PIP5K1C: variants seen among roughly 807,000 people sequenced by gnomAD.
The protein encoded by PIP5K1C is phosphatidylinositol-4-phosphate 5-kinase type 1 gamma.
Under a neutral mutation model 80.1 loss-of-function variants are expected in PIP5K1C, and 45 were observed. The ratio of observed to expected loss-of-function variants is 0.56; its 90% confidence interval spans 0.44 to 0.72. The LOEUF (loss-of-function observed/expected upper bound fraction) is 0.72, where lower values mean the gene tolerates loss of function less well. Among genes scored for constraint, PIP5K1C ranks in the 30% least tolerant of loss-of-function variants. PIP5K1C has a pLI of 0.00. For synonymous variants in PIP5K1C, 498 were observed against 420.1 expected (o/e 1.19, Z -2.27); for missense variants, 753 against 954.6 (o/e 0.79, Z 2.78).
intron 1 of PIP5K1C, among the ~76,000 whole-genome samples, chr19:3,698,948 C>T (rs1471691346): frequency 7.2e-4 from 107 of 149,410 alleles, no homozygotes; most frequent in African/African-American, 2.6e-3. Context: ...CCCCCACCCC[C>T]CCACTCCCCC....
chr19:3,665,709 C>A (rs2034984125), intron 2 of PIP5K1C, among the ~76,000 whole-genome samples: 2 of 152,186 alleles, frequency 1.3e-5, no homozygotes, highest in South Asian at 4.1e-4. Context: ...AGCTGTCGGG[C>A]AGCGCGGGTG....
At position 3,637,249 on chromosome 19, in the gene PIP5K1C, C is replaced by G; in HGVS notation, c.1920+1635G>C. 6.9e-7 allele frequency: 1 copy of G among 1,452,884 alleles called. No individual in the cohort carries two copies. Among genetic ancestry groups the G allele is most frequent in the African/African-American group, 1.4e-5 (1 of 70,556 alleles). 90.0% of individuals were successfully genotyped at this position (1,452,884 alleles called of 1,614,324 possible). On this transcript the variant is annotated intron_variant, in intron 16 of 17. Coordinates refer to ENST00000335312, the MANE Select transcript of PIP5K1C (RefSeq NM_012398.3). This position sits in a 1 kb window ranked among gnomAD's most constrained non-coding sequence, Gnocchi z 7.0. Reference sequence around the variant, plus strand: ...AGAGAGGGGCTCGCTGGGGTCTGGCCGGGGTCCGAAGCAGACCCTGGGCCT... The same window carrying G: ...AGAGAGGGGCTCGCTGGGGTCTGGCGGGGGTCCGAAGCAGACCCTGGGCCT...
At chr19:3,685,591 G>T (rs2035735259) in intron 1 of PIP5K1C, among the ~76,000 whole-genome samples, 1 of 152,092 alleles carries the variant, frequency 6.6e-6, no homozygotes, top group Non-Finnish European at 1.5e-5. Context: ...TTAGCCGGGT[G>T]TGGTGGCGGG....
chr19:3,683,814 G>A lies in PIP5K1C; in HGVS notation c.95-16461C>T, dbSNP rs540882029. Among the ~76,000 whole-genome samples, 5 of 152,190 alleles carry A rather than the reference G, an allele frequency of 3.3e-5. No homozygotes were observed. The East Asian group carries it at 7.7e-4, about 24-fold the overall frequency. ...GTGTCTGGAGAGCTGGGATCAGCCC[G>A]GGCACAGCAGGAACATCCTGTGCAG... On this transcript the variant is annotated intron_variant, in intron 1 of 17. Transcript: ENST00000335312.
At chr19:3,653,223 C>T (rs2034511556) in intron 7 of PIP5K1C, 67 bp downstream of exon 7, 1 of 1,506,452 alleles carries the variant, frequency 6.6e-7, no homozygotes, top group Non-Finnish European at 9.1e-7. Flanking sequence ...CCTGCCTGCC[C>T]AGGCCGAGCC....
At chr19:3,640,271 TGGGA>T (rs957808097) in intron 15 of PIP5K1C, among the ~76,000 whole-genome samples, 5 of 152,124 alleles carry the variant, frequency 3.3e-5, no homozygotes, top group Non-Finnish European at 7.4e-5. Flanking sequence ...CCTAGCACTG[TGGGA>T]GGCCGAGGCG....
At chr19:3,699,911 C>T (rs1480730922) in intron 1 of PIP5K1C, among the ~76,000 whole-genome samples, 2 of 152,210 alleles carry the variant, frequency 1.3e-5, no homozygotes, top group East Asian at 1.9e-4. Flanking sequence ...GGACTCAGGT[C>T]TGGGGACTTA....
chr19:3,693,110 C>T (rs1384975104), intron 1 of PIP5K1C, among the ~76,000 whole-genome samples: 1 of 152,100 alleles, frequency 6.6e-6, no homozygotes, highest in East Asian at 1.9e-4. Flanking sequence ...CCCAGAGTTC[C>T]TTAGGGGGCC....
intron 3 of PIP5K1C, among the ~76,000 whole-genome samples, chr19:3,663,424 C>T (rs149837354): frequency 1.6e-3 from 247 of 152,326 alleles, no homozygotes; most frequent in Middle Eastern, 6.8e-3. Flanking sequence ...ATGTTCACCT[C>T]CCCGAGATGC....
chr19:3,670,243 A>T (rs939108335), intron 1 of PIP5K1C, among the ~76,000 whole-genome samples: 9 of 152,184 alleles, frequency 5.9e-5, no homozygotes, highest in Non-Finnish European at 1.2e-4. Context: ...TCCCTCCGAC[A>T]TTCACGTCCT....
chr19:3,660,054 C>T (rs2034779269), intron 5 of PIP5K1C, among the ~76,000 whole-genome samples: 1 of 152,140 alleles, frequency 6.6e-6, no homozygotes, highest in Non-Finnish European at 1.5e-5. Context: ...GGTGATGGCG[C>T]AGGTTGGATG....
chr19:3,696,272 T>C lies in PIP5K1C; in HGVS notation c.94+4025A>G, dbSNP rs1420625924. 6.6e-6 allele frequency among the ~76,000 whole-genome samples: 1 copy of C among 152,222 alleles called. No individual in the cohort carries two copies. The highest frequency in any genetic ancestry group is 2.4e-5 in the African/African-American group (1 of 41,462). On this transcript the variant is annotated intron_variant, in intron 1 of 17. Transcript: ENST00000335312. This position sits in a 1 kb window ranked among gnomAD's most constrained non-coding sequence, Gnocchi z 4.1. ...TTCCTCCCTGGCACTGCTGGCCTCA[T>C]GCACCTGATGTTCACCAGGATCTGC... is the stretch of plus-strand genomic sequence containing the variant.
At chr19:3,638,743 T>G in intron 16 of PIP5K1C, 141 bp downstream of exon 16, 16 of 1,076,434 alleles carry the variant, frequency 1.5e-5, no homozygotes, top group East Asian at 4.8e-5. Flanking sequence ...TGCTGGCTGG[T>G]GAGAGAGCAT....
chr19:3,700,398 C>T lies in PIP5K1C; in HGVS notation c.-8G>A. 8.9e-7 allele frequency: 1 copy of T among 1,122,914 alleles called. No individual in the cohort carries two copies. Among genetic ancestry groups the T allele is most frequent in the Non-Finnish European group, 1.1e-6 (1 of 915,612 alleles). The allele number at this position is 1,122,914 out of a possible 1,614,324, so 69.6% of individuals were successfully genotyped here. On this transcript the variant is annotated 5_prime_UTR_variant, in exon 1 of 18. Coordinates refer to ENST00000335312, the MANE Select transcript of PIP5K1C (RefSeq NM_012398.3). ...CGGTACCTCCAGCTCCATGGCCGCG[C>T]GCGGACGGCGGCGGGGGCGCCCGAG...
rs139398817 is a variant in PIP5K1C at position 3,646,135 on chromosome 19, CTGTA to C, written c.1261-81_1261-78del. Reference sequence around the variant, plus strand: ...AGCTGGGGACAGCCCCAGACAGACGCTGTATGTGTGTGGGGGGCACCTTCTGTGT... The same window carrying C: ...AGCTGGGGACAGCCCCAGACAGACGCTGTGTGTGGGGGGCACCTTCTGTGT... On this transcript the variant is annotated intron_variant, in intron 10 of 17. Transcript: ENST00000335312. 0.013 allele frequency: 11,278 copies of C among 890,642 alleles called. 117 individuals are homozygous for C. The highest frequency in any genetic ancestry group is 0.015 in the Non-Finnish European group (7,877 of 522,866). 55.2% of individuals were successfully genotyped at this position (890,642 alleles called of 1,614,324 possible).
chr19:3,659,478 C>T (rs1332985572), intron 5 of PIP5K1C, among the ~76,000 whole-genome samples: 1 of 152,230 alleles, frequency 6.6e-6, no homozygotes, highest in Non-Finnish European at 1.5e-5. Context: ...CTAATGGACA[C>T]GGGTGCTGTC....
chr19:3,654,192 G>C (rs2034544699), intron 6 of PIP5K1C, among the ~76,000 whole-genome samples: 1 of 152,200 alleles, frequency 6.6e-6, no homozygotes, highest in African/African-American at 2.4e-5. Context: ...GTGTTGAACT[G>C]ATCAACTCAG....
chr19:3,636,487 G>A (rs1010488957), intron 16 of PIP5K1C: 54 of 985,542 alleles, frequency 5.5e-5, no homozygotes, highest in African/African-American at 7.0e-5. Context: ...ACCCCCCTCC[G>A]TAGGCGGCCT....
At chr19:3,651,406 G>A (rs575774589) in intron 8 of PIP5K1C, among the ~76,000 whole-genome samples, 5 of 152,260 alleles carry the variant, frequency 3.3e-5, no homozygotes, top group South Asian at 2.1e-4. Flanking sequence ...CCTCTGCTTC[G>A]TGGGCTGTGT....
Sources: allele counts gnomAD v4.1 joint callset (sites outside exome capture counted in the v4.1 genomes callset), GRCh38; gene constraint gnomAD v4.1.1; non-coding constraint Gnocchi (gnomAD v3.1); transcripts MANE v1.5; gene names NCBI Gene and HGNC (gene_info 2026-07-23, HGNC 2026-07-21).